The following ZNF385D variants were observed in gnomAD, a reference collection of about 807,000 sequenced individuals.
ZNF385D encodes the protein zinc finger protein 385D, also known as zinc finger protein 659.
Under a neutral mutation model 35.8 loss-of-function variants are expected in ZNF385D, and 15 were observed. That is an observed-to-expected ratio of 0.42 (90% confidence interval 0.28 to 0.64). The LOEUF (loss-of-function observed/expected upper bound fraction) is 0.64, where lower values mean the gene tolerates loss of function less well. Among genes scored for constraint, ZNF385D ranks in the 30% least tolerant of loss-of-function variants. The probability of loss-of-function intolerance (pLI) is 0.23; values close to 1 mark genes in which losing one functional copy is unlikely to be tolerated. For missense variants in ZNF385D, 474 were observed against 494.6 expected (o/e 0.96, Z 0.39); for synonymous variants, 212 against 186.8 (o/e 1.13, Z -1.10).
At chr3:22,116,279 C>G (rs887149223) in intron 3 of ZNF385D, among the ~76,000 whole-genome samples, 1 of 151,938 alleles carries the variant, frequency 6.6e-6, no homozygotes, top group African/African-American at 2.4e-5. Context: ...ACACTTAACA[C>G]CAAATAACAC....
At chr3:21,695,078 T>C (rs772400561) in intron 1 of ZNF385D, among the ~76,000 whole-genome samples, 1 of 152,150 alleles carries the variant, frequency 6.6e-6, no homozygotes, top group Non-Finnish European at 1.5e-5. Flanking sequence ...ATATAAGGTA[T>C]GTGAAGTGCC....
At chr3:21,528,375 G>C (rs1013601561) in intron 3 of ZNF385D, among the ~76,000 whole-genome samples, 3 of 152,130 alleles carry the variant, frequency 2.0e-5, no homozygotes, top group African/African-American at 7.2e-5. Context: ...TTCTCTCAGA[G>C]TTCACTGGCT....
intron 2 of ZNF385D, among the ~76,000 whole-genome samples, chr3:21,572,667 C>T (rs1281194672): frequency 6.6e-6 from 1 of 152,078 alleles, no homozygotes; most frequent in Non-Finnish European, 1.5e-5. Context: ...TCTCGTTAAC[C>T]TGTATTTTGT....
rs1287349092 is a variant in ZNF385D, at chr3:21,683,155, A to G, written c.23-18127T>C. Among the ~76,000 whole-genome samples, 3 of 149,890 alleles carry G rather than the reference A, an allele frequency of 2.0e-5. No individual in the cohort carries two copies. In the East Asian group the frequency reaches 6.0e-4, roughly 30 times the overall value. On this transcript the variant is annotated intron_variant, in intron 1 of 7. Coordinates refer to ENST00000281523, the MANE Select transcript of ZNF385D (RefSeq NM_024697.3). The stretch of plus-strand genomic sequence containing the variant: ...CACAAATTGAAAACACTGAGGCCAG[A>G]GAACACAAATGATAAACCTAAAGTC...
chr3:22,161,124 CAA>C (rs1559417329), intron 3 of ZNF385D, among the ~76,000 whole-genome samples: 1 of 151,868 alleles, frequency 6.6e-6, no homozygotes. Flanking sequence ...AATTAGAAAA[CAA>C]AATGGCAAAT....
chr3:22,275,020 T>C (rs1483151188), intron 2 of ZNF385D, among the ~76,000 whole-genome samples: 1 of 152,062 alleles, frequency 6.6e-6, no homozygotes, highest in African/African-American at 2.4e-5. Flanking sequence ...ACAAACCCTG[T>C]GGATAGCTGC....
chr3:22,280,031 G>T (rs944786071), intron 2 of ZNF385D, among the ~76,000 whole-genome samples: 1 of 151,918 alleles, frequency 6.6e-6, no homozygotes, highest in East Asian at 1.9e-4. Flanking sequence ...TTCCCTGATC[G>T]TTAGTGATGT....
At chr3:21,525,213 CTG>C (rs960930036) in intron 3 of ZNF385D, among the ~76,000 whole-genome samples, 5 of 152,048 alleles carry the variant, frequency 3.3e-5, no homozygotes, top group African/African-American at 1.2e-4. Flanking sequence ...AAATTCTACT[CTG>C]TGTTTTTTCA....
upstream of ZNF385D, among the ~76,000 whole-genome samples, chr3:21,752,599 G>GCTAGATTAT (rs2070154384): frequency 6.6e-6 from 1 of 151,902 alleles, no homozygotes; most frequent in East Asian, 1.9e-4. Context: ...CCTCTCTCAC[G>GCTAGATTAT]CTAGATTATA....
intron 2 of ZNF385D, among the ~76,000 whole-genome samples, chr3:22,250,894 C>G (rs942247274): frequency 3.3e-5 from 5 of 152,042 alleles, no homozygotes; most frequent in African/African-American, 7.2e-5. Flanking sequence ...AAAGACCCTT[C>G]AAGAACTTTA....
chr3:21,595,057 T>G (rs868479783), intron 2 of ZNF385D, among the ~76,000 whole-genome samples: 12 of 152,150 alleles, frequency 7.9e-5, no homozygotes, highest in Non-Finnish European at 1.2e-4. Flanking sequence ...TTAACAAGAT[T>G]ATTGGTCTTA....
At chr3:22,117,569 C>T (rs903505438) in intron 3 of ZNF385D, among the ~76,000 whole-genome samples, 1 of 146,658 alleles carries the variant, frequency 6.8e-6, no homozygotes, top group African/African-American at 2.4e-5. Flanking sequence ...CTGATTTATT[C>T]CACTATTTTT....
chr3:22,266,347 G>C (rs914846436), intron 2 of ZNF385D, among the ~76,000 whole-genome samples: 21 of 151,864 alleles, frequency 1.4e-4, no homozygotes, highest in African/African-American at 4.8e-4. Flanking sequence ...CACATCTCTT[G>C]ATCAGAATGT....
chr3:21,937,793 G>T (rs534251885), intron 3 of ZNF385D, among the ~76,000 whole-genome samples: 3 of 152,030 alleles, frequency 2.0e-5, no homozygotes, highest in African/African-American at 4.8e-5. Context: ...ATTCTCTAAG[G>T]TCTTATCAAC....
chr3:21,878,188 C>A (rs181576142), intron 3 of ZNF385D: 4 of 151,914 alleles, frequency 2.6e-5, no homozygotes, highest in Non-Finnish European at 5.9e-5. Flanking sequence ...ACGTCTTACA[C>A]ATGAGGAAAC....
rs201812983 is a variant in ZNF385D at position 21,663,905 on chromosome 3, ATATATATATATATT to A, written c.165+967_165+980del. 2.0e-3 allele frequency among the ~76,000 whole-genome samples: 245 copies of A among 121,664 alleles called. 12 individuals carry two copies. Among genetic ancestry groups the A allele is most frequent in the African/African-American group, 5.5e-3 (177 of 32,078 alleles). 79.8% of individuals were successfully genotyped at this position (121,664 alleles called of 152,430 possible). On this transcript the variant is annotated intron_variant, in intron 2 of 7. Coordinates refer to ENST00000281523, the MANE Select transcript of ZNF385D (RefSeq NM_024697.3). ...TTGTGGGCCGAATATATATATATAT[ATATATATATATATT>A]TATTTATTTAAATCCATCATGGGGA...
intron 1 of ZNF385D, among the ~76,000 whole-genome samples, chr3:21,728,259 A>G (rs546188287): frequency 1.6e-3 from 233 of 149,264 alleles, no homozygotes; most frequent in Middle Eastern, 3.4e-3. Context: ...CGTTCTGCCC[A>G]TGTATCCCAG....
chr3:21,849,945 T>G (rs1696280784), intron 3 of ZNF385D, among the ~76,000 whole-genome samples: 1 of 151,992 alleles, frequency 6.6e-6, no homozygotes, highest in Non-Finnish European at 1.5e-5. Flanking sequence ...GGTCTCACTA[T>G]GTTGCCCATG....
At chr3:22,293,107 G>T (rs1031146943) in intron 2 of ZNF385D, among the ~76,000 whole-genome samples, 1 of 151,996 alleles carries the variant, frequency 6.6e-6, no homozygotes, top group Non-Finnish European at 1.5e-5. Flanking sequence ...TAACTCAAAT[G>T]CTATCTTTTC....
Sources: gnomAD v4.1 joint callset for allele counts (sites outside exome capture counted in the v4.1 genomes callset) on GRCh38, gnomAD v4.1.1 for gene constraint, MANE v1.5 for transcripts, NCBI Gene and HGNC (gene_info 2026-07-23, HGNC 2026-07-21) for gene names.